The following RNF17 variants were observed in gnomAD, a reference collection of about 807,000 sequenced individuals.
The protein encoded by RNF17 is ring finger protein 17, also known as spermatogenesis associated 23.
RNF17 carries 31 observed loss-of-function variants against 200.5 expected under a neutral mutation model. The observed-to-expected ratio is 0.15, with a 90% CI of 0.12 to 0.21. RNF17 has a LOEUF of 0.21. Ranked by LOEUF, RNF17 falls within the 10% of genes least tolerant of loss-of-function variation. RNF17 has a pLI of 1.00. For synonymous variants in RNF17, 606 were observed against 637.8 expected, an observed-to-expected ratio of 0.95 and a Z score of 0.75; for missense variants, 1,628 against 1,905.1, an observed-to-expected ratio of 0.85 and a Z score of 2.71.
downstream of RNF17, chr13:24,883,401 A>G: frequency 7.0e-7 from 1 of 1,425,354 alleles, no homozygotes; most frequent in South Asian, 1.3e-5. Flanking sequence ...TGATTTCTTA[A>G]AAAAAAAATA....
At chr13:24,785,746 A>G (rs558453086) in intron 6 of RNF17, among the ~76,000 whole-genome samples, 1 of 152,252 alleles carries the variant, frequency 6.6e-6, no homozygotes, top group African/African-American at 2.4e-5. Context: ...TAATTCTGCA[A>G]ATGTTTGCTT....
At chr13:24,883,138 A>AAAG (rs1231922764), downstream of RNF17, 1 of 1,543,540 alleles carries the variant, frequency 6.5e-7, no homozygotes, top group East Asian at 2.2e-5. Context: ...TTTAACATAA[A>AAAG]AAGTCAGTTA....
intron 24 of RNF17, 93 bp from the exon 25 acceptor site, chr13:24,853,762 T>C (rs1318053675): frequency 3.3e-6 from 3 of 915,542 alleles, no homozygotes. Context: ...TTTCTTTCAA[T>C]TTCATGTATA....
intron 22 of RNF17, among the ~76,000 whole-genome samples, chr13:24,845,558 G>A (rs1437172383): frequency 6.6e-6 from 1 of 152,140 alleles, no homozygotes; most frequent in African/African-American, 2.4e-5. Context: ...ATATTAGCAG[G>A]TGGGGTACAC....
At chr13:24,803,070 G>T (rs1036873467) in intron 14 of RNF17, among the ~76,000 whole-genome samples, 1 of 151,936 alleles carries the variant, frequency 6.6e-6, no homozygotes, top group Non-Finnish European at 1.5e-5. Context: ...ACGAAAATTA[G>T]AAAAATTAGA....
intron 18 of RNF17, among the ~76,000 whole-genome samples, chr13:24,839,480 A>T (rs1890379044): frequency 6.6e-6 from 1 of 152,220 alleles, no homozygotes. Flanking sequence ...CCTGATTTCA[A>T]ACTATACTAT....
chr13:24,767,475 C>T (rs1399096629), intron 2 of RNF17, 109 bp downstream of exon 2: 5 of 729,076 alleles, frequency 6.9e-6, no homozygotes, highest in East Asian at 2.7e-5. Context: ...GTTGGCCGGG[C>T]GTGGTGGCTG....
At chr13:24,811,539 T>G (rs1158545344) in intron 15 of RNF17, among the ~76,000 whole-genome samples, 1 of 151,860 alleles carries the variant, frequency 6.6e-6, no homozygotes, top group East Asian at 1.9e-4. Context: ...AGTTATACAT[T>G]CTTCTAAATT....
chr13:24,800,025 G>A (rs1885058895), intron 12 of RNF17, among the ~76,000 whole-genome samples: 1 of 152,118 alleles, frequency 6.6e-6, no homozygotes, highest in South Asian at 2.1e-4. Flanking sequence ...TGTTTCTGTA[G>A]TAAGGACCAG....
the RNF17 span, among the ~76,000 whole-genome samples, chr13:24,748,449 T>C: frequency 6.6e-6 from 1 of 152,354 alleles, no homozygotes; most frequent in South Asian, 2.1e-4. Context: ...TCAAGTTCAA[T>C]AGTGAATGTT....
Position 24,779,690 on chromosome 13 carries a change from T to C in RNF17, c.453T>C (p.Ile151=), listed in dbSNP as rs1294002722. The C allele has an allele frequency of 6.2e-7, 1 of 1,613,154 alleles. No individual in the cohort carries two copies. The highest frequency in any genetic ancestry group is 1.3e-5 in the African/African-American group (1 of 74,906). The change falls in exon 5 of 36, where the codon ATT becomes ATC. Residue 151 remains isoleucine, a synonymous_variant. Coordinates refer to ENST00000255324, the MANE Select transcript of RNF17 (RefSeq NM_031277.3). ...AGGACACTAATACTGCAGAAGAAAT[T>C]GATGAAGCATTGAATACAGCACACC... is the stretch of plus-strand genomic sequence containing the variant. ...VMLDTNTAEE[I]DEALNTAHHS... is the part of the protein sequence containing the mutation.
At chr13:24,874,057 G>A in intron 32 of RNF17, 57 bp from the exon 33 acceptor site, 1 of 1,576,918 alleles carries the variant, frequency 6.3e-7, no homozygotes, top group Non-Finnish European at 8.6e-7. Context: ...ATTTCCTTTG[G>A]ATTAAAAAAA....
chr13:24,764,694 G>C (rs997369006), intron 1 of RNF17, among the ~76,000 whole-genome samples: 1 of 152,178 alleles, frequency 6.6e-6, no homozygotes, highest in Non-Finnish European at 1.5e-5. Context: ...AAGAAGGAAC[G>C]AAACTTGATT....
chr13:24,849,986 C>T (rs530968400), intron 22 of RNF17, among the ~76,000 whole-genome samples: 1 of 152,112 alleles, frequency 6.6e-6, no homozygotes, highest in East Asian at 1.9e-4. Context: ...CATCATCATT[C>T]CTGTTCTCTT....
chr13:24,782,565 T>G (rs1367797967), intron 6 of RNF17, among the ~76,000 whole-genome samples: 1 of 151,112 alleles, frequency 6.6e-6, no homozygotes, highest in African/African-American at 2.4e-5. Context: ...TAGGATTACA[T>G]GGTGATCATC....
intron 18 of RNF17, among the ~76,000 whole-genome samples, chr13:24,836,869 C>T (rs1890051195): frequency 2.0e-5 from 3 of 152,134 alleles, no homozygotes; most frequent in African/African-American, 7.2e-5. Flanking sequence ...AATGGTACCT[C>T]ACGTTTCAAT....
chr13:24,874,134 T>A lies in RNF17; in HGVS notation c.4468T>A (p.Tyr1490Asn). The A allele has an allele frequency of 6.2e-7, 1 of 1,610,308 alleles. No homozygotes were observed. Among genetic ancestry groups the A allele is most frequent in the South Asian group, 1.1e-5 (1 of 89,676 alleles). Reference sequence around the variant, plus strand: ...TCCAGAAATGCCTTGCCTTGCAGAATATGATGATGGCTTATGGTATAGAGC... The same window carrying A: ...TCCAGAAATGCCTTGCCTTGCAGAAAATGATGATGGCTTATGGTATAGAGC... ...FRTEMPCLAE[Y>N]DDGLWYRAKI... The change falls in exon 33 of 36, where the codon TAT becomes AAT. Residue 1490 changes from tyrosine to asparagine, a missense_variant. Physicochemically the swap from Tyr to Asn is moderately radical, Grantham distance 143 (BLOSUM62 -2). Coordinates refer to ENST00000255324, the MANE Select transcript of RNF17 (RefSeq NM_031277.3).
chr13:24,784,250 A>G (rs927882553), intron 6 of RNF17, among the ~76,000 whole-genome samples: 7 of 152,294 alleles, frequency 4.6e-5, no homozygotes, highest in South Asian at 4.1e-4. Flanking sequence ...TTCTCTTACT[A>G]TGCTGTTGAA....
At chr13:24,862,661 G>A (rs1360552692) in intron 27 of RNF17, 52 bp from the exon 28 acceptor site, 6 of 1,142,328 alleles carry the variant, frequency 5.3e-6, no homozygotes, top group Non-Finnish European at 7.9e-6. Flanking sequence ...TTTGCTTCCT[G>A]CTCTGATTTT....
Sources: allele counts gnomAD v4.1 joint callset (sites outside exome capture counted in the v4.1 genomes callset), GRCh38; gene constraint gnomAD v4.1.1; transcripts MANE v1.5; gene names NCBI Gene and HGNC (gene_info 2026-07-23, HGNC 2026-07-21).